RPTOR: variants seen among roughly 807,000 people sequenced by gnomAD.
RPTOR encodes the protein regulatory-associated protein of mTOR.
RPTOR carries 21 observed loss-of-function variants against 169.9 expected under a neutral mutation model. The ratio of observed to expected loss-of-function variants is 0.12; its 90% CI spans 0.09 to 0.18. RPTOR has a LOEUF of 0.18. RPTOR is among the 10% of genes least tolerant of loss of function. The pLI is 1.00. For missense variants in RPTOR, 1,133 were observed against 1,855.9 expected, an observed-to-expected ratio of 0.61 and a Z score of 7.16; for synonymous variants, 732 against 753.2, an observed-to-expected ratio of 0.97 and a Z score of 0.46.
At chr17:80,674,800 A>C (rs1279192664) in intron 3 of RPTOR, among the ~76,000 whole-genome samples, 1 of 49,306 alleles carries the variant, frequency 2.0e-5, no homozygotes, top group African/African-American at 8.5e-5. Flanking sequence ...AAAAAAAAAA[A>C]AAAAAAAAAA....
intron 3 of RPTOR, among the ~76,000 whole-genome samples, chr17:80,670,128 C>A (rs1482059325): frequency 1.3e-5 from 2 of 152,178 alleles, no homozygotes; most frequent in African/African-American, 4.8e-5. Context: ...TCAGTGAAAT[C>A]GACTGCAGAC....
chr17:80,576,107 T>C, intron 1 of RPTOR, among the ~76,000 whole-genome samples: 1 of 152,216 alleles, frequency 6.6e-6, no homozygotes, highest in East Asian at 1.9e-4. Flanking sequence ...GTATTTTTCA[T>C]ATGTCTCCTA....
chr17:80,797,973 G>A (rs940088913), intron 7 of RPTOR, among the ~76,000 whole-genome samples: 19 of 152,214 alleles, frequency 1.2e-4, no homozygotes, highest in African/African-American at 4.3e-4. Flanking sequence ...AAGCTCTACT[G>A]ATGAATGCGG....
intron 7 of RPTOR, 97 bp downstream of exon 7, chr17:80,791,606 A>C: frequency 9.6e-7 from 1 of 1,038,352 alleles, no homozygotes; most frequent in Non-Finnish European, 1.4e-6. Context: ...TTCTATCAAC[A>C]TGGCATGTTC....
At chr17:80,857,306 G>A (rs896842946) in intron 12 of RPTOR, among the ~76,000 whole-genome samples, 7 of 152,246 alleles carry the variant, frequency 4.6e-5, no homozygotes, top group Non-Finnish European at 1.0e-4. Flanking sequence ...TGTATCTGAA[G>A]TGCAAACATG....
At chr17:80,798,388 A>T (rs2067121897) in intron 7 of RPTOR, among the ~76,000 whole-genome samples, 1 of 152,176 alleles carries the variant, frequency 6.6e-6, no homozygotes, top group African/African-American at 2.4e-5. Context: ...GAGGCATCTG[A>T]CATGCACAAA....
chr17:80,845,075 C>A lies in RPTOR; in HGVS notation c.1213-1398C>A, dbSNP rs1345595228. Among the ~76,000 whole-genome samples, 1 of 151,932 alleles carries A rather than the reference C, an allele frequency of 6.6e-6. No individual in the cohort carries two copies. Among genetic ancestry groups the A allele is most frequent in the Non-Finnish European group, 1.5e-5 (1 of 67,972 alleles). On this transcript the variant is annotated intron_variant, in intron 10 of 33. Coordinates refer to ENST00000306801, the MANE Select transcript of RPTOR (RefSeq NM_020761.3). The surrounding 1 kb of genome is among the most constrained non-coding windows in gnomAD (Gnocchi z 5.4). The stretch of plus-strand genomic sequence containing the variant: ...TCTCCGTGGAGGGAATCAGGCCGGA[C>A]TGCTCCTGCCTGGCCGCTCAGTTCC...
rs7212411 is a variant in RPTOR at position 80,812,764 on chromosome 17, T to C, written c.891-9437T>C. Among the ~76,000 whole-genome samples the C allele has an allele frequency of 7.8e-3, 1,185 of 152,374 alleles. 27 individuals carry two copies. Among genetic ancestry groups the C allele is most frequent in the African/African-American group, 0.028 (1,144 of 41,582 alleles). ...TTTCTAGCTGTTCTCCAGGTGAGAA[T>C]GGTCTGAATCACCTCATCTGCCGTT... On this transcript the variant is annotated intron_variant, in intron 7 of 33. Coordinates refer to ENST00000306801, the MANE Select transcript of RPTOR (RefSeq NM_020761.3).
intron 31 of RPTOR, 25 bp from the exon 32 acceptor site, chr17:80,962,433 AGGT>A (rs776750869): frequency 3.1e-5 from 49 of 1,588,798 alleles, no homozygotes; most frequent in African/African-American, 5.4e-5. Context: ...CTCCGGGAGG[AGGT>A]GTCACTGTGA....
chr17:80,917,303 G>A lies in RPTOR; in HGVS notation c.2521-5421G>A, dbSNP rs149908138. ...AATTTTTGTATTTTTAGTAGAGACGGGGTTTCACCATTGTTGGCCAGGCTG... is the reference window on the plus strand; with the variant it reads ...AATTTTTGTATTTTTAGTAGAGACGAGGTTTCACCATTGTTGGCCAGGCTG... On this transcript the variant is annotated intron_variant, in intron 21 of 33. Coordinates refer to ENST00000306801, the MANE Select transcript of RPTOR (RefSeq NM_020761.3). Among the ~76,000 whole-genome samples, 1,340 of 152,124 alleles carry A rather than the reference G, an allele frequency of 8.8e-3. 20 individuals carry two copies. The highest frequency in any genetic ancestry group is 0.031 in the African/African-American group (1,297 of 41,478).
At chr17:80,654,381 G>C (rs903384332) in intron 3 of RPTOR, among the ~76,000 whole-genome samples, 2 of 152,192 alleles carry the variant, frequency 1.3e-5, no homozygotes, top group Admixed American at 1.3e-4. Context: ...GTGGGCTCTC[G>C]GCCCAGCACG....
Position 80,845,258 on chromosome 17 carries a change from C to T in RPTOR, c.1213-1215C>T, listed in dbSNP as rs997582401. Among the ~76,000 whole-genome samples the T allele has an allele frequency of 1.3e-5, 2 of 152,278 alleles. No homozygotes were observed. The highest frequency in any genetic ancestry group is 1.9e-4 in the East Asian group (1 of 5,158). ...GGCTAACTGGGAGCTCGGGCCCACC[C>T]GGTGTGGCCCACGGAGAACTCGTGT... On this transcript the variant is annotated intron_variant, in intron 10 of 33. Coordinates refer to ENST00000306801, the MANE Select transcript of RPTOR (RefSeq NM_020761.3). This position sits in a 1 kb window ranked among gnomAD's most constrained non-coding sequence, Gnocchi z 5.4.
At chr17:80,963,775 G>A (rs1489568616) in intron 33 of RPTOR, among the ~76,000 whole-genome samples, 5 of 131,958 alleles carry the variant, frequency 3.8e-5, no homozygotes, top group Admixed American at 7.7e-5. Context: ...TCCCCTCTGC[G>A]GCCCTCACCC....
chr17:80,572,185 C>T (rs1219549975), intron 1 of RPTOR, among the ~76,000 whole-genome samples: 1 of 152,132 alleles, frequency 6.6e-6, no homozygotes, highest in African/African-American at 2.4e-5. Flanking sequence ...GCAGCCTTGA[C>T]CTCCCACGGT....
At chr17:80,742,755 CAT>C (rs2066496687) in intron 5 of RPTOR, among the ~76,000 whole-genome samples, 1 of 152,058 alleles carries the variant, frequency 6.6e-6, no homozygotes, top group African/African-American at 2.4e-5. Context: ...CATACATGCA[CAT>C]ATAGACACGC....
In RPTOR at chr17:80,961,323, C is replaced by T. The variant is rs537584315; in HGVS notation, c.3606-71C>T. ...GGCACAGGCAGACCTGGGCAGCTCC[C>T]GGTGAGAGCCCCGAAGGGTGGGGAC... On this transcript the variant is annotated intron_variant, in intron 30 of 33. Transcript: ENST00000306801. 46 of 1,431,762 alleles carry T rather than the reference C, an allele frequency of 3.2e-5. No homozygotes were observed. The South Asian group carries it at 4.3e-4, about 13-fold the overall frequency. The allele number at this position is 1,431,762 out of a possible 1,614,324, so 88.7% of individuals were successfully genotyped here.
chr17:80,622,975 T>C (rs940813496), intron 1 of RPTOR, among the ~76,000 whole-genome samples: 1 of 152,212 alleles, frequency 6.6e-6, no homozygotes, highest in Non-Finnish European at 1.5e-5. Context: ...GAGGAGGCAC[T>C]AAAATGCTTC....
chr17:80,760,150 T>A (rs1454412512), intron 6 of RPTOR, among the ~76,000 whole-genome samples: 3 of 151,946 alleles, frequency 2.0e-5, no homozygotes, highest in Non-Finnish European at 4.4e-5. Context: ...CTGATGGGAG[T>A]CGGCAGACCT....
intron 28 of RPTOR, 81 bp downstream of exon 28, chr17:80,949,628 G>T (rs2069148514): frequency 1.7e-6 from 2 of 1,178,908 alleles, no homozygotes; most frequent in African/African-American, 1.5e-5. Context: ...GCCCTTCTGG[G>T]GCTGTCTCTA....
Sources: allele counts gnomAD v4.1 joint callset (sites outside exome capture counted in the v4.1 genomes callset), GRCh38; gene constraint gnomAD v4.1.1; non-coding constraint Gnocchi (gnomAD v3.1); transcripts MANE v1.5; gene names NCBI Gene and HGNC (gene_info 2026-07-23, HGNC 2026-07-21).